The following PTPRZ1 variants were observed in gnomAD, a reference collection of about 807,000 sequenced individuals.
The protein encoded by PTPRZ1 is receptor-type tyrosine-protein phosphatase zeta.
In PTPRZ1, 82 loss-of-function variants were observed where a neutral mutation model predicts 214.1. The observed-to-expected ratio is 0.38, with a 90% CI of 0.32 to 0.46. PTPRZ1 has a LOEUF of 0.46. PTPRZ1 is among the 20% of genes least tolerant of loss of function. The probability of loss-of-function intolerance (pLI) is 1.00; values close to 1 mark genes in which losing one functional copy is unlikely to be tolerated. For synonymous variants in PTPRZ1, 945 were observed against 987.9 expected (o/e 0.96, Z 0.81); for missense variants, 2,603 against 2,748.7 (o/e 0.95, Z 1.19).
chr7:121,966,387 CCTAA>C lies in PTPRZ1; in HGVS notation c.125-1561_125-1558del, dbSNP rs757482528. Among the ~76,000 whole-genome samples, 31 of 152,254 alleles carry C rather than the reference CCTAA, an allele frequency of 2.0e-4. 1 individual carries two copies. The South Asian group carries it at 2.1e-3, about 10-fold the overall frequency. ...TTAAAAATGTGAGCAATGAAGAGGA[CCTAA>C]CTGATTTGTGCTGCAGATTCTCTTT... is the stretch of plus-strand genomic sequence containing the variant. On this transcript the variant is annotated intron_variant, in intron 2 of 29. Coordinates refer to ENST00000393386, the MANE Select transcript of PTPRZ1 (RefSeq NM_002851.3).
chr7:122,055,194 C>G, intron 27 of PTPRZ1, 107 bp downstream of exon 27: 1 of 930,872 alleles, frequency 1.1e-6, no homozygotes. Flanking sequence ...TGATTTTTTC[C>G]CCATTGAGAC....
chr7:122,013,060 C>G lies in PTPRZ1; in HGVS notation c.4014C>G (p.Thr1338=), dbSNP rs766012639. The change falls in exon 12 of 30, where the codon ACC becomes ACG. Residue 1338 remains threonine, a synonymous_variant. Coordinates refer to ENST00000393386, the MANE Select transcript of PTPRZ1 (RefSeq NM_002851.3). The stretch of plus-strand genomic sequence containing the variant: ...TTATACATTCCGATGAAATTTTAAC[C>G]TCCACCAAAAGTTCTGTTACTGGTA... ...NKLIHSDEIL[T]STKSSVTGKV... 1.2e-6 allele frequency: 2 copies of G among 1,613,456 alleles called. No individual in the cohort carries two copies. The highest frequency in any genetic ancestry group is 1.7e-6 in the Non-Finnish European group (2 of 1,179,518).
rs1584743603 is a variant in PTPRZ1, at chr7:122,014,005, A to G, written c.4843+116A>G. The G allele has an allele frequency of 1.8e-5, 15 of 839,180 alleles. No homozygotes were observed. In the East Asian group the frequency reaches 3.5e-4, roughly 20 times the overall value. 52.0% of individuals were successfully genotyped at this position (839,180 alleles called of 1,614,324 possible). ...AAAATGGTACATCATCATTTTTAAA[A>G]TCAAAACATTCAACAAATCAGTCTC... On this transcript the variant is annotated intron_variant, in intron 12 of 29. Transcript: ENST00000393386.
intron 23 of PTPRZ1, among the ~76,000 whole-genome samples, chr7:122,045,433 A>G (rs1017532649): frequency 2.0e-5 from 3 of 152,134 alleles, no homozygotes; most frequent in Non-Finnish European, 4.4e-5. Context: ...GTTAGCCACC[A>G]TGAATTCCTT....
At chr7:122,006,526 T>C (rs561420296) in intron 11 of PTPRZ1, among the ~76,000 whole-genome samples, 3 of 152,082 alleles carry the variant, frequency 2.0e-5, no homozygotes, top group African/African-American at 2.4e-5. Flanking sequence ...TTATTCCACT[T>C]ACATAATGGA....
intron 1 of PTPRZ1, among the ~76,000 whole-genome samples, chr7:121,875,806 T>A (rs1246816766): frequency 1.3e-5 from 2 of 152,212 alleles, no homozygotes; most frequent in African/African-American, 4.8e-5. Flanking sequence ...TATCTTCAAA[T>A]GAAAAAGTTA....
intron 2 of PTPRZ1, among the ~76,000 whole-genome samples, chr7:121,967,676 A>C (rs1255248555): frequency 6.6e-6 from 1 of 152,218 alleles, no homozygotes; most frequent in Non-Finnish European, 1.5e-5. Flanking sequence ...CACAAAAAGA[A>C]GATGTTGTAG....
rs1272292316 is a variant in PTPRZ1, at chr7:122,011,361, C to T, written c.2315C>T (p.Thr772Ile). ...AGTAGTGAAGTCTTTCCTCTAGTCA[C>T]CCCTTTGTTGCTTGACAATCAGATC... ...SYSSEVFPLV[T>I]PLLLDNQILN... Residue 772 changes from threonine to isoleucine, a missense_variant, in exon 12 of 30, where the codon ACC (threonine) becomes ATC (isoleucine). Physicochemically the swap from Thr to Ile is moderately conservative, Grantham distance 89 (BLOSUM62 -1). Coordinates refer to ENST00000393386, the MANE Select transcript of PTPRZ1 (RefSeq NM_002851.3). 5.0e-6 allele frequency: 8 copies of T among 1,614,112 alleles called. No individual in the cohort carries two copies. Among genetic ancestry groups the T allele is most frequent in the African/African-American group, 1.3e-5 (1 of 75,048 alleles).
intron 17 of PTPRZ1, 40 bp downstream of exon 17, chr7:122,034,418 T>G: frequency 6.3e-7 from 1 of 1,583,300 alleles, no homozygotes; most frequent in Non-Finnish European, 8.7e-7. Context: ...TCAATATCAT[T>G]GCCATTTTGG....
chr7:121,873,417 A>G lies in PTPRZ1; in HGVS notation c.-83A>G. ...TGGAGGATTAAAACAAACAAACAAA[A>G]AAAACATTTCCTTCGCTCCCCCTCC... is the stretch of plus-strand genomic sequence containing the variant. On this transcript the variant is annotated 5_prime_UTR_variant, in exon 1 of 30. Coordinates refer to ENST00000393386, the MANE Select transcript of PTPRZ1 (RefSeq NM_002851.3). 3 of 1,438,210 alleles carry G rather than the reference A, an allele frequency of 2.1e-6. No individual in the cohort carries two copies. The highest frequency in any genetic ancestry group is 2.9e-6 in the Non-Finnish European group (3 of 1,044,056). 89.1% of individuals were successfully genotyped at this position (1,438,210 alleles called of 1,614,324 possible). A position where few individuals can be genotyped will look rare whatever the true frequency, so the allele number is the denominator to read the frequency against.
intron 10 of PTPRZ1, among the ~76,000 whole-genome samples, chr7:122,004,289 T>C (rs1340782345): frequency 6.6e-6 from 1 of 152,108 alleles, no homozygotes. Flanking sequence ...TTCTTTACAC[T>C]CAGTTTTATC....
intron 2 of PTPRZ1, among the ~76,000 whole-genome samples, chr7:121,962,762 CA>C (rs1256259852): frequency 1.3e-5 from 2 of 151,864 alleles, no homozygotes; most frequent in Admixed American, 1.3e-4. Context: ...GATGGGGTTT[CA>C]CCATATTGGC....
At chr7:121,873,982 T>C (rs1793970251) in intron 1 of PTPRZ1, among the ~76,000 whole-genome samples, 1 of 152,028 alleles carries the variant, frequency 6.6e-6, no homozygotes, top group Non-Finnish European at 1.5e-5. Flanking sequence ...TGTTCATTTT[T>C]ATGCTATAGG....
At chr7:121,874,390 T>G (rs1355033551) in intron 1 of PTPRZ1, among the ~76,000 whole-genome samples, 2 of 152,246 alleles carry the variant, frequency 1.3e-5, no homozygotes, top group African/African-American at 2.4e-5. Flanking sequence ...ATTGGACTTT[T>G]GCGTTTTATT....
At chr7:121,912,299 T>C (rs1795302563) in intron 1 of PTPRZ1, among the ~76,000 whole-genome samples, 1 of 152,198 alleles carries the variant, frequency 6.6e-6, no homozygotes, top group African/African-American at 2.4e-5. Context: ...TGGGAAACAA[T>C]ATAAGAGATG....
chr7:121,975,205 C>G (rs1319798856), intron 4 of PTPRZ1, among the ~76,000 whole-genome samples: 2 of 152,000 alleles, frequency 1.3e-5, no homozygotes, highest in African/African-American at 2.4e-5. Context: ...CAAACAAAAG[C>G]CTTATCAGTT....
rs1327543814 is a variant in PTPRZ1, at chr7:122,011,330, T to C, written c.2284T>C (p.Ser762Pro). 1.9e-6 allele frequency: 3 copies of C among 1,614,150 alleles called. No homozygotes were observed. In the Admixed American group the frequency reaches 5.0e-5, roughly 27 times the overall value. The change falls in exon 12 of 30, where the codon TCC becomes CCC. Residue 762 changes from serine (S) to proline (P), a missense_variant. Around this residue, in one of 6 missense-constraint regions of PTPRZ1, gnomAD observed 1,913 missense variants for 1,914.3 expected, o/e 1.00. Transcript: ENST00000393386. Reference protein sequence around the residue: ...VYNGETPLQPSYSSEVFPLVT... With the variant: ...VYNGETPLQPPYSSEVFPLVT... The stretch of plus-strand genomic sequence containing the variant: ...CAATGGTGAGACACCTCTTCAACCT[T>C]CCTACAGTAGTGAAGTCTTTCCTCT...
chr7:121,972,647 TGATGGATCAGAGCATAG>T lies in PTPRZ1; in HGVS notation c.412_428del (p.Asp138PhefsTer9). On this transcript the variant is annotated frameshift_variant, in exon 4 of 30. Transcript: ENST00000393386. LOFTEE classifies it high-confidence loss of function. ...ACTGGGGAAAATGCAATATGTCATC[TGATGGATCAGAGCATAG>T]TTTAGAAGGACAAAAATTTCCACTT... The T allele has an allele frequency of 6.2e-7, 1 of 1,613,574 alleles. No homozygotes were observed. The highest frequency in any genetic ancestry group is 1.1e-5 in the South Asian group (1 of 90,980).
chr7:122,012,989 C>G lies in PTPRZ1; in HGVS notation c.3943C>G (p.Pro1315Ala). The G allele has an allele frequency of 1.9e-6, 3 of 1,614,076 alleles. No individual in the cohort carries two copies. The highest frequency in any genetic ancestry group is 1.7e-6 in the Non-Finnish European group (2 of 1,179,976). ...PPKGRHVFATPVLSIDEPLNT... is the reference protein window; with the variant it reads ...PPKGRHVFATAVLSIDEPLNT... ...AAAAGGAAGGCATGTATTTGCTACACCTGTTTTATCAATTGATGAACCATT... is the reference window on the plus strand; with the variant it reads ...AAAAGGAAGGCATGTATTTGCTACAGCTGTTTTATCAATTGATGAACCATT... The change falls in exon 12 of 30, where the codon CCT (proline) becomes GCT (alanine). Residue 1315 changes from proline to alanine, a missense_variant. Coordinates refer to ENST00000393386, the MANE Select transcript of PTPRZ1 (RefSeq NM_002851.3).
Sources: allele counts gnomAD v4.1 joint callset (sites outside exome capture counted in the v4.1 genomes callset), GRCh38; gene constraint gnomAD v4.1.1; regional missense constraint gnomAD v4.1.1; transcripts MANE v1.5; gene names NCBI Gene and HGNC (gene_info 2026-07-23, HGNC 2026-07-21).